The following GULP1 variants were observed in gnomAD, a reference collection of about 807,000 sequenced individuals.
GULP1 encodes the protein PTB domain-containing engulfment adapter protein 1.
A neutral mutation model predicts 40.9 loss-of-function variants in GULP1; 19 were observed. The observed-to-expected ratio is 0.46, with a 90% CI of 0.32 to 0.68. The LOEUF (loss-of-function observed/expected upper bound fraction) is 0.68. Ranked by LOEUF, GULP1 falls within the 30% of genes least tolerant of loss-of-function variation. The pLI, the probability that GULP1 is intolerant of heterozygous loss-of-function variation, is 0.03. For missense variants in GULP1, 312 were observed against 362.2 expected (o/e 0.86, Z 1.12); for synonymous variants, 119 against 117.6 (o/e 1.01, Z -0.08).
intron 1 of GULP1, among the ~76,000 whole-genome samples, chr2:188,313,298 C>A (rs771104175): frequency 2.0e-5 from 3 of 151,950 alleles, no homozygotes; most frequent in South Asian, 4.1e-4. Context: ...ATTTTTGCAT[C>A]AGGTGTAAGG....
At chr2:188,445,224 T>C (rs1232317794) in intron 2 of GULP1, among the ~76,000 whole-genome samples, 4 of 152,056 alleles carry the variant, frequency 2.6e-5, no homozygotes, top group Non-Finnish European at 1.5e-5. Context: ...GCTTGCTAAC[T>C]CTGTCTTGCA....
intron 2 of GULP1, among the ~76,000 whole-genome samples, chr2:188,475,888 A>T (rs1251134371): frequency 6.6e-6 from 1 of 152,124 alleles, no homozygotes; most frequent in Non-Finnish European, 1.5e-5. Context: ...GTTTTGAAAA[A>T]AAAGAGAAGT....
intron 2 of GULP1, among the ~76,000 whole-genome samples, chr2:188,417,734 A>G (rs913854557): frequency 3.9e-5 from 6 of 152,178 alleles, no homozygotes; most frequent in Non-Finnish European, 8.8e-5. Context: ...ATTGACAAAG[A>G]GTAGATTTTT....
At chr2:188,301,784 G>A (rs1262991408) in intron 1 of GULP1, among the ~76,000 whole-genome samples, 1 of 152,160 alleles carries the variant, frequency 6.6e-6, no homozygotes, top group Non-Finnish European at 1.5e-5. Context: ...TTTGATATTT[G>A]TCCTATCTGG....
chr2:188,402,125 ACACTCACATCAT>A (rs1447033671), intron 2 of GULP1, among the ~76,000 whole-genome samples: 1 of 152,130 alleles, frequency 6.6e-6, no homozygotes, highest in Non-Finnish European at 1.5e-5. Context: ...TGCGTTTAAA[ACACTCACATCAT>A]CTTTAGGCTA....
chr2:188,458,225 T>A (rs1374895207), intron 2 of GULP1, among the ~76,000 whole-genome samples: 2 of 152,162 alleles, frequency 1.3e-5, no homozygotes, highest in East Asian at 1.9e-4. Flanking sequence ...CCATATTCCC[T>A]CATACTTTCT....
At chr2:188,501,307 G>C (rs572318786) in intron 4 of GULP1, among the ~76,000 whole-genome samples, 1 of 151,604 alleles carries the variant, frequency 6.6e-6, no homozygotes, top group African/African-American at 2.4e-5. Context: ...TCTCTCTCTC[G>C]TTCTTTCTCC....
At chr2:188,440,589 G>A (rs2057828841) in intron 2 of GULP1, among the ~76,000 whole-genome samples, 1 of 152,082 alleles carries the variant, frequency 6.6e-6, no homozygotes, top group African/African-American at 2.4e-5. Flanking sequence ...TTTTGAGACA[G>A]AGTCTTGCTT....
chr2:188,431,573 G>A (rs2056879327), intron 2 of GULP1, among the ~76,000 whole-genome samples: 1 of 152,086 alleles, frequency 6.6e-6, no homozygotes, highest in Non-Finnish European at 1.5e-5. Flanking sequence ...ATTTAGTTAT[G>A]TATTAGCATA....
Position 188,540,569 on chromosome 2 carries a change from G to A in GULP1, c.262-612G>A, listed in dbSNP as rs565954370. ...TGGATATGTATACCATTCATTTATT[G>A]CTTCATGAAAAATGCTACAGAAGTT... On this transcript the variant is annotated intron_variant, in intron 6 of 11. Coordinates refer to ENST00000409830, the MANE Select transcript of GULP1 (RefSeq NM_016315.4). Among the ~76,000 whole-genome samples, 13 of 151,918 alleles carry A rather than the reference G, an allele frequency of 8.6e-5. No individual in the cohort carries two copies. The East Asian group carries it at 2.5e-3, about 29-fold the overall frequency.
At chr2:188,293,259 G>GCAAT (rs947371829) in intron 1 of GULP1, 1 of 152,178 alleles carries the variant, frequency 6.6e-6, no homozygotes, top group African/African-American at 2.4e-5. Flanking sequence ...TTACTCATTT[G>GCAAT]CAATCAGACA....
At chr2:188,443,425 G>T (rs1251590104) in intron 2 of GULP1, among the ~76,000 whole-genome samples, 1 of 151,996 alleles carries the variant, frequency 6.6e-6, no homozygotes, top group Admixed American at 6.6e-5. Flanking sequence ...CATTAAATAG[G>T]ACTCCCTATG....
At chr2:188,573,568 C>T (rs1045263199) in intron 9 of GULP1, among the ~76,000 whole-genome samples, 31 of 152,192 alleles carry the variant, frequency 2.0e-4, no homozygotes, top group African/African-American at 6.0e-4. Context: ...ACACAAAGTA[C>T]CTCACAGAGT....
intron 1 of GULP1, among the ~76,000 whole-genome samples, chr2:188,333,579 G>T (rs1314121845): frequency 6.6e-6 from 1 of 152,044 alleles, no homozygotes; most frequent in African/African-American, 2.4e-5. Flanking sequence ...CTTAGCTTAA[G>T]GAAAATAAAG....
intron 3 of GULP1, among the ~76,000 whole-genome samples, 159 bp from the exon 4 acceptor site, chr2:188,483,272 A>G (rs1230861094): frequency 3.3e-5 from 5 of 152,034 alleles, no homozygotes; most frequent in African/African-American, 4.8e-5. Flanking sequence ...TCACGCCCCA[A>G]CTAAATTGTT....
At chr2:188,459,199 C>G (rs1285426604) in intron 2 of GULP1, among the ~76,000 whole-genome samples, 1 of 152,100 alleles carries the variant, frequency 6.6e-6, no homozygotes, top group East Asian at 1.9e-4. Context: ...CCTTTCTTTT[C>G]AGTATATACA....
intron 6 of GULP1, among the ~76,000 whole-genome samples, chr2:188,538,928 A>G (rs572436283): frequency 2.0e-5 from 3 of 152,292 alleles, no homozygotes; most frequent in East Asian, 1.9e-4. Context: ...ACATACATAT[A>G]TGAGACAGGA....
At chr2:188,459,328 T>G (rs2059519525) in intron 2 of GULP1, among the ~76,000 whole-genome samples, 1 of 152,164 alleles carries the variant, frequency 6.6e-6, no homozygotes, top group Non-Finnish European at 1.5e-5. Flanking sequence ...TATGAGGATT[T>G]CCTTTTCTCC....
chr2:188,380,014 G>C (rs963683583), intron 1 of GULP1, among the ~76,000 whole-genome samples: 1 of 152,188 alleles, frequency 6.6e-6, no homozygotes, highest in African/African-American at 2.4e-5. Flanking sequence ...GGAGTATACA[G>C]ACTTATTTTC....
Sources: allele counts gnomAD v4.1 joint callset (sites outside exome capture counted in the v4.1 genomes callset), GRCh38; gene constraint gnomAD v4.1.1; transcripts MANE v1.5; gene names NCBI Gene and HGNC (gene_info 2026-07-23, HGNC 2026-07-21).